ARNT2: variants seen among roughly 807,000 people sequenced by gnomAD.
ARNT2 encodes aryl hydrocarbon receptor nuclear translocator 2.
ARNT2 carries 36 observed loss-of-function variants against 91.7 expected under a neutral mutation model. That is an observed-to-expected ratio of 0.39 (90% CI 0.30 to 0.52). The LOEUF (loss-of-function observed/expected upper bound fraction) is 0.52, where lower values mean the gene tolerates loss of function less well. Ranked by LOEUF, ARNT2 falls within the 20% of genes least tolerant of loss-of-function variation. The pLI is 0.72. For synonymous variants in ARNT2, 365 were observed against 347.1 expected, an observed-to-expected ratio of 1.05 and a Z score of -0.57; for missense variants, 775 against 939.3, an observed-to-expected ratio of 0.83 and a Z score of 2.29.
intron 1 of ARNT2, among the ~76,000 whole-genome samples, chr15:80,425,159 G>T (rs1268332980): frequency 6.6e-6 from 1 of 152,218 alleles, no homozygotes; most frequent in Non-Finnish European, 1.5e-5. Context: ...TTTCTGTCAA[G>T]AAAGATGAGC....
At chr15:80,458,110 G>A in intron 3 of ARNT2, 134 bp downstream of exon 3, 1 of 902,440 alleles carries the variant, frequency 1.1e-6, no homozygotes, top group Non-Finnish European at 1.7e-6. Flanking sequence ...TCACTCTGTG[G>A]CAGTATTTGG....
Position 80,563,233 on chromosome 15 carries a change from A to G in ARNT2, c.1310A>G (p.Asn437Ser), listed in dbSNP as rs774284119. 1.9e-6 allele frequency: 3 copies of G among 1,613,868 alleles called. No individual in the cohort carries two copies. The highest frequency in any genetic ancestry group is 1.3e-5 in the African/African-American group (1 of 74,866). ...GAGTACATCATCTGCACCAACACCA[A>G]CGTCAAGTACGTACACTGCCATTTC... is the stretch of plus-strand genomic sequence containing the variant. ...EIEYIICTNT[N>S]VKQLQQQQAE... The change falls in exon 12 of 19, where the codon AAC becomes AGC. Residue 437 changes from asparagine (N) to serine (S), a missense_variant. Asn to Ser is a conservative substitution (Grantham distance 46). Transcript: ENST00000303329.
intron 5 of ARNT2, among the ~76,000 whole-genome samples, chr15:80,491,796 CTTTTT>C (rs58958624): frequency 3.4e-4 from 23 of 67,616 alleles, no homozygotes; most frequent in African/African-American, 1.3e-3. Context: ...CAGGACAGGC[CTTTTT>C]TTTTTTTTTT....
intron 14 of ARNT2, 58 bp from the exon 15 acceptor site, chr15:80,576,808 C>T (rs1032307958): frequency 6.3e-7 from 1 of 1,590,722 alleles, no homozygotes; most frequent in South Asian, 1.1e-5. Flanking sequence ...GGGCAGCCTC[C>T]TCTGTGGTCT....
chr15:80,587,649 T>C (rs985042391), intron 17 of ARNT2, among the ~76,000 whole-genome samples: 52 of 152,246 alleles, frequency 3.4e-4, no homozygotes, highest in African/African-American at 1.3e-3. Context: ...CTCAAGATTC[T>C]GACCCGTGGT....
intron 5 of ARNT2, among the ~76,000 whole-genome samples, chr15:80,498,211 G>A (rs1205760038): frequency 2.6e-5 from 4 of 152,158 alleles, no homozygotes; most frequent in Non-Finnish European, 4.4e-5. Flanking sequence ...TGGAAGCACC[G>A]ATGGCACACG....
chr15:80,427,716 A>G (rs1895952376), intron 1 of ARNT2, among the ~76,000 whole-genome samples: 1 of 152,230 alleles, frequency 6.6e-6, no homozygotes, highest in Non-Finnish European at 1.5e-5. Context: ...TGATAAAGCC[A>G]TACCCTGCTG....
chr15:80,445,924 G>A (rs995586885), intron 1 of ARNT2, among the ~76,000 whole-genome samples: 7 of 152,086 alleles, frequency 4.6e-5, no homozygotes, highest in African/African-American at 1.7e-4. Flanking sequence ...ACTCCTGTGA[G>A]TTAGAACCAG....
chr15:80,484,255 A>G (rs953919979), intron 5 of ARNT2, among the ~76,000 whole-genome samples: 1 of 152,188 alleles, frequency 6.6e-6, no homozygotes, highest in Non-Finnish European at 1.5e-5. Flanking sequence ...GTTGTTCAAA[A>G]TAGAAATAAA....
intron 5 of ARNT2, among the ~76,000 whole-genome samples, chr15:80,487,204 G>A (rs867744402): frequency 1.1e-4 from 17 of 152,186 alleles, no homozygotes; most frequent in Non-Finnish European, 1.3e-4. Context: ...ATCTCTCTTC[G>A]CCTGCCTTTG....
chr15:80,505,924 G>GTTTTT lies in ARNT2; in HGVS notation c.623-2230_623-2229insTTTTT, dbSNP rs1486880107. On this transcript the variant is annotated intron_variant, in intron 5 of 18. Coordinates refer to ENST00000303329, the MANE Select transcript of ARNT2 (RefSeq NM_014862.4). The stretch of plus-strand genomic sequence containing the variant: ...AAAGAAAAAATGATTCCCAACATTT[G>GTTTTT]TTGTTTTTTTTTTTTTTTTTTTTGA... Among the ~76,000 whole-genome samples, 78 of 71,166 alleles carry GTTTTT rather than the reference G, an allele frequency of 1.1e-3. 1 individual carries two copies. Among genetic ancestry groups the GTTTTT allele is most frequent in the African/African-American group, 5.1e-3 (78 of 15,218 alleles). The allele number at this position is 71,166 out of a possible 152,430, so 46.7% of individuals were successfully genotyped here.
At chr15:80,524,768 G>A (rs552324766) in intron 8 of ARNT2, among the ~76,000 whole-genome samples, 13 of 151,944 alleles carry the variant, frequency 8.6e-5, no homozygotes, top group Admixed American at 5.9e-4. Context: ...CCAGCTACTC[G>A]GGAGGCTGAG....
At chr15:80,456,377 C>T (rs563256169) in intron 2 of ARNT2, among the ~76,000 whole-genome samples, 1 of 151,906 alleles carries the variant, frequency 6.6e-6, no homozygotes, top group East Asian at 1.9e-4. Context: ...TATGTAACTC[C>T]TTTTGTTCTT....
chr15:80,462,338 G>A (rs1468126177), intron 3 of ARNT2, among the ~76,000 whole-genome samples: 1 of 152,204 alleles, frequency 6.6e-6, no homozygotes, highest in East Asian at 1.9e-4. Flanking sequence ...GTCATCAACA[G>A]AGTCAAAATT....
intron 11 of ARNT2, among the ~76,000 whole-genome samples, chr15:80,559,180 G>A (rs192297042): frequency 1.4e-5 from 2 of 145,762 alleles, no homozygotes; most frequent in African/African-American, 2.5e-5. Context: ...TGTCAGAACC[G>A]GTTGGTTTTG....
chr15:80,497,079 G>A (rs1482089390), intron 5 of ARNT2, among the ~76,000 whole-genome samples: 11 of 152,198 alleles, frequency 7.2e-5, no homozygotes, highest in Non-Finnish European at 1.5e-5. Flanking sequence ...GATAATGTTG[G>A]GGACCATGTG....
At chr15:80,495,095 C>CT (rs113264695) in intron 5 of ARNT2, among the ~76,000 whole-genome samples, 11,141 of 151,920 alleles carry the variant, frequency 0.073, 417 homozygotes, top group Middle Eastern at 0.13. Flanking sequence ...CCCTGTAAGC[C>CT]TTTTTTTTGT....
chr15:80,464,322 G>T (rs1039472845), intron 3 of ARNT2, among the ~76,000 whole-genome samples: 10 of 151,874 alleles, frequency 6.6e-5, no homozygotes, highest in Admixed American at 2.6e-4. Context: ...TGGGGGCTGG[G>T]GGTGGGGGGT....
At chr15:80,540,103 C>T (rs1048092547) in intron 8 of ARNT2, among the ~76,000 whole-genome samples, 2 of 152,116 alleles carry the variant, frequency 1.3e-5, no homozygotes, top group African/African-American at 4.8e-5. Context: ...TTCATTGCAG[C>T]ACAATTCACA....
Sources: allele counts gnomAD v4.1 joint callset (sites outside exome capture counted in the v4.1 genomes callset), GRCh38; gene constraint gnomAD v4.1.1; transcripts MANE v1.5; gene names NCBI Gene and HGNC (gene_info 2026-07-23, HGNC 2026-07-21).